Variants in MOB4 observed in about 807,000 individuals in gnomAD.
MOB4 encodes MOB family member 4, phocein, also known as MOB-like protein phocein.
MOB4 carries 4 observed loss-of-function variants against 32.2 expected under a neutral mutation model. The ratio of observed to expected loss-of-function variants is 0.12; its 90% confidence interval spans 0.06 to 0.28. The LOEUF (loss-of-function observed/expected upper bound fraction) is 0.28, where lower values mean the gene tolerates loss of function less well. Ranked by LOEUF, MOB4 falls within the 10% of genes least tolerant of loss-of-function variation. The pLI is 1.00. For synonymous variants in MOB4, 88 were observed against 88.1 expected (o/e 1.00, Z 0.01); for missense variants, 158 against 271.2 (o/e 0.58, Z 2.93).
intron 2 of MOB4, among the ~76,000 whole-genome samples, chr2:197,526,296 ATG>A: frequency 6.6e-6 from 1 of 152,132 alleles, no homozygotes; most frequent in East Asian, 1.9e-4. Flanking sequence ...TGAGATGATC[ATG>A]TGTTTCTTTT....
intron 4 of MOB4, 22 bp from the exon 5 acceptor site, chr2:197,540,329 G>A: frequency 6.6e-7 from 1 of 1,518,686 alleles, no homozygotes; most frequent in Non-Finnish European, 8.8e-7. Context: ...TACATATTAA[G>A]AAATATAATT....
At chr2:197,525,869 G>A (rs944716570) in intron 2 of MOB4, among the ~76,000 whole-genome samples, 3 of 152,168 alleles carry the variant, frequency 2.0e-5, no homozygotes, top group Admixed American at 6.5e-5. Context: ...GAAGAAAAAT[G>A]TACAGATGGT....
rs374994331 is a variant in MOB4 at position 197,530,905 on chromosome 2, G to GT, written c.124-4621dup. Among the ~76,000 whole-genome samples the GT allele has an allele frequency of 4.8e-3, 732 of 151,888 alleles. 3 individuals carry two copies. Among genetic ancestry groups the GT allele is most frequent in the Non-Finnish European group, 7.6e-3 (518 of 67,946 alleles). ...CTACCACACCTGGACTTATCTTTGG[G>GT]TTTTAGCCATTTGATTATGATGTAT... On this transcript the variant is annotated intron_variant, in intron 2 of 7. Coordinates refer to ENST00000323303, the MANE Select transcript of MOB4 (RefSeq NM_015387.5).
chr2:197,535,875 T>C (rs180752038), intron 3 of MOB4, among the ~76,000 whole-genome samples: 5 of 151,814 alleles, frequency 3.3e-5, no homozygotes, highest in Admixed American at 2.0e-4. Context: ...TGGACCTGCC[T>C]CTGCACCTCT....
Position 197,525,067 on chromosome 2 carries a change from C to T in MOB4, c.123+1381C>T, listed in dbSNP as rs562463696. ...CAGATAATAAAAGTAGATAGCTGGC[C>T]GGGTGCGGTGGCTCACGCCTGTAAT... On this transcript the variant is annotated intron_variant, in intron 2 of 7. Transcript: ENST00000323303. Among the ~76,000 whole-genome samples, 154 of 152,032 alleles carry T rather than the reference C, an allele frequency of 1.0e-3. 1 individual carries two copies. The highest frequency in any genetic ancestry group is 3.2e-3 in the African/African-American group (132 of 41,494).
chr2:197,520,568 C>T (rs964719633), intron 1 of MOB4, among the ~76,000 whole-genome samples: 57 of 152,082 alleles, frequency 3.7e-4, no homozygotes, highest in African/African-American at 1.4e-3. Context: ...ACTCTTACCT[C>T]CTCCCCACCA....
chr2:197,521,987 G>T (rs1385864169), intron 1 of MOB4, among the ~76,000 whole-genome samples: 1 of 152,196 alleles, frequency 6.6e-6, no homozygotes, highest in Non-Finnish European at 1.5e-5. Flanking sequence ...ATTGATTGGG[G>T]AAGTGATAAG....
At chr2:197,536,414 A>T (rs751638263) in intron 3 of MOB4, among the ~76,000 whole-genome samples, 6 of 151,838 alleles carry the variant, frequency 4.0e-5, no homozygotes, top group Non-Finnish European at 8.8e-5. Context: ...CATGTTGCCT[A>T]GGCTGGTCTC....
At chr2:197,532,828 G>A (rs958276028) in intron 2 of MOB4, among the ~76,000 whole-genome samples, 4 of 152,052 alleles carry the variant, frequency 2.6e-5, no homozygotes, top group African/African-American at 7.2e-5. Flanking sequence ...GACTGGGTGC[G>A]GTGGCTCACG....
At chr2:197,547,632 C>T (rs189392351) in intron 5 of MOB4, among the ~76,000 whole-genome samples, 5 of 152,142 alleles carry the variant, frequency 3.3e-5, no homozygotes, top group African/African-American at 1.2e-4. Context: ...AACCTAATTA[C>T]TGGGTAGAGT....
intron 2 of MOB4, among the ~76,000 whole-genome samples, chr2:197,525,529 G>A (rs2086596965): frequency 6.6e-6 from 1 of 151,958 alleles, no homozygotes; most frequent in Non-Finnish European, 1.5e-5. Flanking sequence ...TTGAGGTTGG[G>A]AGTTTGAAAC....
rs1190274964 is a variant in MOB4, at chr2:197,552,095, T to C, written c.*1449T>C. The stretch of plus-strand genomic sequence containing the variant: ...TTCAGACAAGAATGTACAGCAAAAA[T>C]AAGGGGAACAGTAGTATACTGAGAG... On this transcript the variant is annotated 3_prime_UTR_variant, in exon 8 of 8. Transcript: ENST00000323303. 1 of 152,300 alleles carries C rather than the reference T, an allele frequency of 6.6e-6. No individual in the cohort carries two copies. The highest frequency in any genetic ancestry group is 1.5e-5 in the Non-Finnish European group (1 of 68,016). 9.4% of individuals were successfully genotyped at this position (152,300 alleles called of 1,614,324 possible). A position where few individuals can be genotyped will look rare whatever the true frequency, so the allele number is the denominator to read the frequency against.
At chr2:197,538,865 A>G (rs2086848477) in intron 3 of MOB4, among the ~76,000 whole-genome samples, 1 of 152,206 alleles carries the variant, frequency 6.6e-6, no homozygotes, top group Non-Finnish European at 1.5e-5. Context: ...TGATACGGTG[A>G]TTTAGAAATA....
At chr2:197,515,836 A>C (rs2086398195), upstream of MOB4, 3 of 530,444 alleles carry the variant, frequency 5.7e-6, no homozygotes, top group Non-Finnish European at 6.6e-6. Flanking sequence ...CCTCGCAAAG[A>C]GGCTCGTGGC....
At chr2:197,543,584 T>C (rs2086937270) in intron 5 of MOB4, among the ~76,000 whole-genome samples, 1 of 152,098 alleles carries the variant, frequency 6.6e-6, no homozygotes, top group African/African-American at 2.4e-5. Context: ...CCAGTATGTA[T>C]TATGTGGAGT....
At chr2:197,520,067 T>G (rs1209977028) in intron 1 of MOB4, among the ~76,000 whole-genome samples, 1 of 152,200 alleles carries the variant, frequency 6.6e-6, no homozygotes, top group Non-Finnish European at 1.5e-5. Context: ...GGGACATTGC[T>G]ACTATAGTTG....
chr2:197,522,964 G>A (rs2086547658), intron 1 of MOB4, among the ~76,000 whole-genome samples: 1 of 151,932 alleles, frequency 6.6e-6, no homozygotes, highest in Non-Finnish European at 1.5e-5. Flanking sequence ...GCAGTGAGCT[G>A]AGATCGCACC....
At chr2:197,547,775 A>G (rs1191816107) in intron 5 of MOB4, among the ~76,000 whole-genome samples, 12 of 152,158 alleles carry the variant, frequency 7.9e-5, no homozygotes, top group African/African-American at 2.4e-5. Context: ...GATGAGGACA[A>G]TTACTTTGCA....
chr2:197,540,511 G>A (rs972069251), intron 5 of MOB4, 74 bp downstream of exon 5: 8 of 1,321,436 alleles, frequency 6.1e-6, no homozygotes, highest in African/African-American at 3.1e-5. Flanking sequence ...TGTTAGACAA[G>A]TTTTTAGGGT....
Sources: allele counts gnomAD v4.1 joint callset (sites outside exome capture counted in the v4.1 genomes callset), GRCh38; gene constraint gnomAD v4.1.1; transcripts MANE v1.5; gene names NCBI Gene and HGNC (gene_info 2026-07-23, HGNC 2026-07-21).